TMEM260: variants seen among roughly 807,000 people sequenced by gnomAD.
The protein encoded by TMEM260 is protein O-mannosyl-transferase TMEM260.
TMEM260 carries 82 observed loss-of-function variants against 88.9 expected under a neutral mutation model. The observed-to-expected ratio is 0.92, with a 90% confidence interval of 0.77 to 1.11. The LOEUF (loss-of-function observed/expected upper bound fraction) is 1.11. TMEM260 is among the 50% of genes least tolerant of loss of function. TMEM260 has a pLI of 0.00. For missense variants in TMEM260, 902 were observed against 853.4 expected (o/e 1.06, Z -0.71); for synonymous variants, 314 against 309.3 (o/e 1.02, Z -0.16).
chr14:56,580,060 C>T lies in TMEM260; in HGVS notation c.146C>T (p.Pro49Leu), dbSNP rs1369309140. ...ACCTTCACCCTGCCCCCTTCGGTAC[C>T]GGGGGGAGACTCCGGTAAAGTACTC... ...VFTFTLPPSV[P>L]GGDSGELITA... Residue 49 changes from proline (P) to leucine (L), a missense_variant, in exon 1 of 16, where the codon CCG becomes CTG. Coordinates refer to ENST00000261556, the MANE Select transcript of TMEM260 (RefSeq NM_017799.4). 4 of 1,252,026 alleles carry T rather than the reference C, an allele frequency of 3.2e-6. No homozygotes were observed. Among genetic ancestry groups the T allele is most frequent in the East Asian group, 6.2e-5 (2 of 32,220 alleles). The allele number at this position is 1,252,026 out of a possible 1,614,324, so 77.6% of individuals were successfully genotyped here.
chr14:56,582,449 T>A (rs1336749168), intron 1 of TMEM260, among the ~76,000 whole-genome samples: 1 of 152,226 alleles, frequency 6.6e-6, no homozygotes, highest in Non-Finnish European at 1.5e-5. Flanking sequence ...TGTGACAGTC[T>A]AGTCTAATTA....
intron 15 of TMEM260, among the ~76,000 whole-genome samples, chr14:56,643,730 G>C (rs1295771419): frequency 6.6e-6 from 1 of 152,208 alleles, no homozygotes; most frequent in East Asian, 1.9e-4. Flanking sequence ...GTCCCTGTTT[G>C]CAGATGACAT....
In TMEM260 at chr14:56,647,385, T is replaced by C; in HGVS notation, c.2012T>C (p.Phe671Ser). The C allele has an allele frequency of 6.2e-7, 1 of 1,614,204 alleles. No individual in the cohort carries two copies. Among genetic ancestry groups the C allele is most frequent in the Non-Finnish European group, 8.5e-7 (1 of 1,180,036 alleles). Residue 671 changes from phenylalanine to serine, a missense_variant, in exon 16 of 16, where the codon TTC (phenylalanine) becomes TCC (serine). Transcript: ENST00000261556. Reference sequence around the variant, plus strand: ...CTGTTATCGGAAACCATCAGACATTTCCGTCTGTACTCTCAGAAAGCACCG... The same window carrying C: ...CTGTTATCGGAAACCATCAGACATTCCCGTCTGTACTCTCAGAAAGCACCG... Reference protein sequence around the residue: ...EVLLSETIRHFRLYSQKAPND... With the variant: ...EVLLSETIRHSRLYSQKAPND...
intron 15 of TMEM260, among the ~76,000 whole-genome samples, chr14:56,645,627 AAAACTT>A (rs57495685): frequency 0.32 from 47,943 of 151,570 alleles, 9,315 homozygotes; most frequent in East Asian, 0.49. Flanking sequence ...CATGTACCCT[AAAACTT>A]AAAGTATAAT....
intron 7 of TMEM260, chr14:56,613,196 A>G (rs1887392479): frequency 6.6e-6 from 1 of 152,164 alleles, no homozygotes; most frequent in Admixed American, 6.5e-5. Context: ...CTACAACACT[A>G]AAGTGATGTC....
At chr14:56,656,745 A>G in the TMEM260 span, among the ~76,000 whole-genome samples, 1 of 152,332 alleles carries the variant, frequency 6.6e-6, no homozygotes, top group South Asian at 2.1e-4. Context: ...AATAAATTAC[A>G]ATGATAATTA....
In TMEM260 at chr14:56,585,793, G is replaced by A. The variant is rs3737171; in HGVS notation, c.225G>A (p.Thr75=). 10 of 1,612,958 alleles carry A rather than the reference G, an allele frequency of 6.2e-6. No individual in the cohort carries two copies. Among genetic ancestry groups the A allele is most frequent in the South Asian group, 1.1e-5 (1 of 90,966 alleles). The part of the protein sequence containing the change: ...VAHPPGYPLF[T]LVAKLAITLF... ...ATCCTCCTGGCTATCCTTTGTTCAC[G>A]CTGGTGGCTAAACTGGCAATTACAC... The change falls in exon 3 of 16, where the codon ACG becomes ACA. Residue 75 remains threonine, a synonymous_variant. Transcript: ENST00000261556.
At chr14:56,662,277 G>A in the TMEM260 span, among the ~76,000 whole-genome samples, 1 of 152,168 alleles carries the variant, frequency 6.6e-6, no homozygotes, top group Non-Finnish European at 1.5e-5. Context: ...GCCAAGAACA[G>A]GATCCATTCC....
chr14:56,587,492 A>G (rs572954689), intron 3 of TMEM260, among the ~76,000 whole-genome samples: 41 of 152,068 alleles, frequency 2.7e-4, no homozygotes, highest in African/African-American at 9.6e-4. Context: ...TTTATTAATT[A>G]TTATGATTAA....
At chr14:56,661,027 G>A in the TMEM260 span, among the ~76,000 whole-genome samples, 1 of 152,198 alleles carries the variant, frequency 6.6e-6, no homozygotes, top group Non-Finnish European at 1.5e-5. Flanking sequence ...GGAAAAGCTG[G>A]AGGCGGGAGT....
Position 56,615,943 on chromosome 14 carries a change from G to GT in TMEM260, c.859dup (p.Ser287PhefsTer92). On this transcript the variant is annotated frameshift_variant and splice_region_variant. Coordinates refer to ENST00000261556, the MANE Select transcript of TMEM260 (RefSeq NM_017799.4). LOFTEE classifies it high-confidence loss of function. Reference sequence around the variant, plus strand: ...ACAATAAGTTAGATTGTTTTTTGCAGTTCTCAAGTAACAAATATGAGGACC... The same window carrying GT: ...ACAATAAGTTAGATTGTTTTTTGCAGTTTCTCAAGTAACAAATATGAGGACC... 1 of 1,609,766 alleles carries GT rather than the reference G, an allele frequency of 6.2e-7. No individual in the cohort carries two copies. The highest frequency in any genetic ancestry group is 8.5e-7 in the Non-Finnish European group (1 of 1,176,678).
chr14:56,635,760 C>T (rs558144527), intron 14 of TMEM260, among the ~76,000 whole-genome samples: 1 of 151,962 alleles, frequency 6.6e-6, no homozygotes, highest in Non-Finnish European at 1.5e-5. Flanking sequence ...GCACTGAGAA[C>T]AGTTATGATA....
chr14:56,586,305 C>T (rs183979967), intron 3 of TMEM260, among the ~76,000 whole-genome samples: 1 of 152,172 alleles, frequency 6.6e-6, no homozygotes, highest in Admixed American at 6.5e-5. Context: ...GGGCTAATAC[C>T]TAATTATATT....
rs188596516 is a variant in TMEM260 at position 56,585,823 on chromosome 14, T to G, written c.255T>G (p.Phe85Leu). 3.7e-6 allele frequency: 6 copies of G among 1,613,452 alleles called. No homozygotes were observed. The highest frequency in any genetic ancestry group is 4.5e-5 in the East Asian group (2 of 44,870). Reference protein sequence around the residue: ...TLVAKLAITLFPFGSIAYRVN... With the variant: ...TLVAKLAITLLPFGSIAYRVN... ...TGGCTAAACTGGCAATTACACTGTT[T>G]CCTTTTGGTTCAATTGCCTACCGCG... Residue 85 changes from phenylalanine to leucine, a missense_variant, in exon 3 of 16, where the codon TTT (phenylalanine) becomes TTG (leucine). Transcript: ENST00000261556.
chr14:56,589,486 A>G (rs944358945), intron 3 of TMEM260, among the ~76,000 whole-genome samples: 1 of 152,300 alleles, frequency 6.6e-6, no homozygotes, highest in Admixed American at 6.5e-5. Context: ...CAGTTTTTCA[A>G]ATATTTTTTC....
chr14:56,662,112 A>T, the TMEM260 span, among the ~76,000 whole-genome samples: 1 of 152,354 alleles, frequency 6.6e-6, no homozygotes, highest in Non-Finnish European at 1.5e-5. Flanking sequence ...AAGAGCCATG[A>T]TTTGGCTTCT....
intron 13 of TMEM260, chr14:56,633,512 G>T (rs758324761): frequency 6.1e-5 from 10 of 163,026 alleles, no homozygotes; most frequent in Non-Finnish European, 9.3e-5. Context: ...ATTAACTGCA[G>T]TTGAACTTTA....
chr14:56,585,518 A>G (rs931956891), intron 2 of TMEM260, among the ~76,000 whole-genome samples: 1 of 152,110 alleles, frequency 6.6e-6, no homozygotes, highest in African/African-American at 2.4e-5. Context: ...AGAACTGACA[A>G]TGAAATATGT....
intron 3 of TMEM260, among the ~76,000 whole-genome samples, chr14:56,592,687 A>G (rs980711065): frequency 5.3e-5 from 8 of 152,196 alleles, no homozygotes; most frequent in Non-Finnish European, 1.0e-4. Context: ...ATCCTCCTTT[A>G]TCATACTTCT....
Sources: gnomAD v4.1 joint callset for allele counts (sites outside exome capture counted in the v4.1 genomes callset) on GRCh38, gnomAD v4.1.1 for gene constraint, MANE v1.5 for transcripts, NCBI Gene and HGNC (gene_info 2026-07-23, HGNC 2026-07-21) for gene names.